Variants in ZNF571 observed in about 807,000 individuals in gnomAD.
ZNF571 encodes zinc finger protein 571.
In ZNF571, 4 loss-of-function variants were observed where a neutral mutation model predicts 7.7. The ratio of observed to expected loss-of-function variants is 0.52; its 90% CI spans 0.25 to 1.18. The LOEUF (loss-of-function observed/expected upper bound fraction) is 1.18, where lower values mean the gene tolerates loss of function less well. Ranked by LOEUF, ZNF571 falls within the 50% of genes most tolerant of loss-of-function variation. ZNF571 has a pLI of 0.14. For synonymous variants in ZNF571, 251 were observed against 232.4 expected, an observed-to-expected ratio of 1.08 and a Z score of -0.73; for missense variants, 704 against 726.9, an observed-to-expected ratio of 0.97 and a Z score of 0.36.
intron 1 of ZNF571, among the ~76,000 whole-genome samples, chr19:37,592,479 TG>T (rs2043897058): frequency 6.6e-6 from 1 of 152,238 alleles, no homozygotes; most frequent in African/African-American, 2.4e-5. Flanking sequence ...GTAATACCTA[TG>T]AGTTTTTGTC....
At chr19:37,586,207 CA>C (rs1281650259) in intron 2 of ZNF571, 1 of 153,992 alleles carries the variant, frequency 6.5e-6, no homozygotes, top group Non-Finnish European at 1.4e-5. Flanking sequence ...AATTCCCAAC[CA>C]ATTTTCAAAC....
In ZNF571 at chr19:37,565,225, A is replaced by T. The variant is rs980726399; in HGVS notation, c.1203T>A (p.Ile401=). 1.2e-6 allele frequency: 2 copies of T among 1,613,308 alleles called. No homozygotes were observed. Among genetic ancestry groups the T allele is most frequent in the East Asian group, 2.2e-5 (1 of 44,858 alleles). ...GATGTTGAATAAGATTAGAATTAGAAATAAAGGCTTTCCCACATTCTTTGC... is the reference window on the plus strand; with the variant it reads ...GATGTTGAATAAGATTAGAATTAGATATAAAGGCTTTCCCACATTCTTTGC... ...YKCKECGKAF[I]SNSNLIQHQR... is the part of the protein sequence containing the mutation. The change falls in exon 4 of 4, where the codon ATT becomes ATA. Residue 401 remains isoleucine, a synonymous_variant. Coordinates refer to ENST00000451802, the MANE Select transcript of ZNF571 (RefSeq NM_016536.5).
intron 3 of ZNF571, among the ~76,000 whole-genome samples, chr19:37,568,326 C>T (rs1038387096): frequency 3.3e-5 from 5 of 150,744 alleles, no homozygotes; most frequent in South Asian, 4.3e-4. Context: ...TACCCCCCCC[C>T]ACTTGCCATA....
chr19:37,590,766 T>A (rs906692218), intron 1 of ZNF571, among the ~76,000 whole-genome samples: 1 of 152,118 alleles, frequency 6.6e-6, no homozygotes, highest in Non-Finnish European at 1.5e-5. Context: ...AAAATAAAAA[T>A]TTTAAAAAAC....
chr19:37,564,949 T>C lies in ZNF571; in HGVS notation c.1479A>G (p.Gln493=). 2 of 1,613,860 alleles carry C rather than the reference T, an allele frequency of 1.2e-6. No individual in the cohort carries two copies. Among genetic ancestry groups the C allele is most frequent in the Non-Finnish European group, 1.7e-6 (2 of 1,179,896 alleles). The change falls in exon 4 of 4, where the codon CAA becomes CAG. Residue 493 remains glutamine, a synonymous_variant. Transcript: ENST00000451802. ...AGGGCTTTTCACCTGTATGAATTCT[T>C]TGATGATATGTAAGTTGTGTAGCAC... ...FVRATQLTYH[Q]RIHTGEKPYK...
At chr19:37,570,968 C>T (rs188088809) in intron 3 of ZNF571, among the ~76,000 whole-genome samples, 39 of 152,256 alleles carry the variant, frequency 2.6e-4, no homozygotes, top group Admixed American at 1.4e-3. Flanking sequence ...ACAAATTACT[C>T]TAATTTTAAA....
intron 1 of ZNF571, among the ~76,000 whole-genome samples, chr19:37,593,423 G>A (rs1285242496): frequency 6.6e-6 from 1 of 152,098 alleles, no homozygotes; most frequent in Non-Finnish European, 1.5e-5. Flanking sequence ...CTTAGACCAG[G>A]CCAGGCGCGG....
intron 3 of ZNF571, among the ~76,000 whole-genome samples, chr19:37,572,466 A>G (rs1172285474): frequency 1.3e-5 from 2 of 152,210 alleles, no homozygotes; most frequent in Admixed American, 6.5e-5. Context: ...TAATTTTGCC[A>G]TTATCCAAAT....
At chr19:37,567,515 C>G (rs2042902138) in intron 3 of ZNF571, 2 of 152,168 alleles carry the variant, frequency 1.3e-5, no homozygotes, top group African/African-American at 4.8e-5. Context: ...TTCAACGTAC[C>G]TTTTAAGCCT....
intron 2 of ZNF571, chr19:37,585,599 C>T (rs2043643565): frequency 6.6e-6 from 1 of 152,184 alleles, no homozygotes; most frequent in Non-Finnish European, 1.5e-5. Flanking sequence ...AGACAGAACT[C>T]GGCGGTCTTT....
At position 37,567,607 on chromosome 19, in the gene ZNF571, TCC is replaced by T. The variant is rs1208200882; in HGVS notation, c.137-1318_137-1317del. 4 of 152,316 alleles carry T rather than the reference TCC, an allele frequency of 2.6e-5. No individual in the cohort carries two copies. In the East Asian group the frequency reaches 7.7e-4, roughly 29 times the overall value. 9.4% of individuals were successfully genotyped at this position (152,316 alleles called of 1,614,324 possible). On this transcript the variant is annotated intron_variant, in intron 3 of 3. Transcript: ENST00000451802. ...AGTTCCAAGAACATGTCAAATTCTT[TCC>T]CATTTTAGATTTTCCATATGCTGTT...
chr19:37,586,526 A>G (rs1432336523), intron 2 of ZNF571, 142 bp downstream of exon 2: 3 of 858,938 alleles, frequency 3.5e-6, no homozygotes, highest in African/African-American at 3.4e-5. Flanking sequence ...GCTCTTTGCT[A>G]CTATTACTCG....
At position 37,565,978 on chromosome 19, in the gene ZNF571, G is replaced by A. The variant is rs376501421; in HGVS notation, c.450C>T (p.Tyr150=). ...CCTCATGTTGAATAAGGCATGACAG[G>A]TAGCTGAAACCTTGTCTGCATTCCT... ...KCKECRQGFS[Y]LSCLIQHEEN... Residue 150 remains tyrosine (Y), a synonymous_variant, in exon 4 of 4, where the codon TAC becomes TAT. Transcript: ENST00000451802. 2 of 1,613,624 alleles carry A rather than the reference G, an allele frequency of 1.2e-6. No homozygotes were observed. Among genetic ancestry groups the A allele is most frequent in the Admixed American group, 1.7e-5 (1 of 59,980 alleles).
intron 2 of ZNF571, chr19:37,585,553 A>AT (rs1484983592): frequency 1.3e-5 from 2 of 152,082 alleles, no homozygotes; most frequent in Admixed American, 1.3e-4. Flanking sequence ...TTTGATCATC[A>AT]TTTTTTCTAA....
At chr19:37,566,327 T>C (rs1461421224) in intron 3 of ZNF571, 36 bp from the exon 4 acceptor site, 3 of 1,554,354 alleles carry the variant, frequency 1.9e-6, no homozygotes, top group Non-Finnish European at 2.6e-6. Flanking sequence ...CCTGCTTTTG[T>C]TTACAAGGAG....
chr19:37,591,257 T>C lies in ZNF571; in HGVS notation c.-70+3484A>G, dbSNP rs918615354. 2.6e-5 allele frequency among the ~76,000 whole-genome samples: 4 copies of C among 152,186 alleles called. No individual in the cohort carries two copies. The East Asian group carries it at 5.8e-4, about 22-fold the overall frequency. On this transcript the variant is annotated intron_variant, in intron 1 of 3. Transcript: ENST00000451802. ...CATTTCAGGGCTGGCACAGGAAATG[T>C]AGAAGTTGATCTTGGGATCATTTGT...
intron 3 of ZNF571, among the ~76,000 whole-genome samples, chr19:37,579,003 C>G (rs763379518): frequency 6.6e-6 from 1 of 151,910 alleles, no homozygotes; most frequent in Non-Finnish European, 1.5e-5. Context: ...TTGCAGGAGT[C>G]CTGCTCCAGT....
chr19:37,568,519 A>C (rs186404562), intron 3 of ZNF571, among the ~76,000 whole-genome samples: 7 of 152,334 alleles, frequency 4.6e-5, no homozygotes, highest in Admixed American at 4.6e-4. Flanking sequence ...TTGGGACCCA[A>C]AATAGCTACC....
intron 3 of ZNF571, among the ~76,000 whole-genome samples, chr19:37,571,341 C>T (rs2043044342): frequency 6.6e-6 from 1 of 151,836 alleles, no homozygotes; most frequent in African/African-American, 2.4e-5. Context: ...ACTAAAAATA[C>T]AAAAATTAGA....
Sources: gnomAD v4.1 joint callset for allele counts (sites outside exome capture counted in the v4.1 genomes callset) on GRCh38, gnomAD v4.1.1 for gene constraint, MANE v1.5 for transcripts, NCBI Gene and HGNC (gene_info 2026-07-23, HGNC 2026-07-21) for gene names.